The following GLT1D1 variants were observed in gnomAD, a reference collection of about 807,000 sequenced individuals.
GLT1D1 encodes the protein glycosyltransferase 1 domain containing 1.
GLT1D1 carries 21 observed loss-of-function variants against 28.7 expected under a neutral mutation model. The observed-to-expected ratio is 0.73, with a 90% CI of 0.52 to 1.05. The LOEUF is 1.05. Among genes scored for constraint, GLT1D1 ranks in the 50% least tolerant of loss-of-function variants. The pLI, the probability that GLT1D1 is intolerant of heterozygous loss-of-function variation, is 0.00. For synonymous variants in GLT1D1, 147 were observed against 124.8 expected (o/e 1.18, Z -1.19); for missense variants, 343 against 330.6 (o/e 1.04, Z -0.29).
At chr12:128,877,934 G>T (rs1593069308) in intron 2 of GLT1D1, among the ~76,000 whole-genome samples, 1 of 152,212 alleles carries the variant, frequency 6.6e-6, no homozygotes, top group South Asian at 2.1e-4. Flanking sequence ...CCGTTGGTGG[G>T]AGGTCTCAGT....
intron 2 of GLT1D1, among the ~76,000 whole-genome samples, chr12:128,881,858 C>T (rs982405729): frequency 3.3e-5 from 5 of 151,362 alleles, no homozygotes; most frequent in Non-Finnish European, 7.4e-5. Context: ...GTCTATATTT[C>T]CTCTGTCATT....
At chr12:128,880,871 A>T (rs1957015094) in intron 2 of GLT1D1, among the ~76,000 whole-genome samples, 1 of 152,154 alleles carries the variant, frequency 6.6e-6, no homozygotes, top group Non-Finnish European at 1.5e-5. Flanking sequence ...GTTTTTATTC[A>T]AAATTAAGTT....
intron 2 of GLT1D1, among the ~76,000 whole-genome samples, chr12:128,883,754 T>C (rs1407123412): frequency 6.6e-6 from 1 of 152,158 alleles, no homozygotes; most frequent in African/African-American, 2.4e-5. Context: ...GAAAATAGCT[T>C]GTGTGCTACT....
chr12:128,911,254 G>C (rs1337375488), intron 4 of GLT1D1, among the ~76,000 whole-genome samples: 1 of 152,196 alleles, frequency 6.6e-6, no homozygotes, highest in Non-Finnish European at 1.5e-5. Flanking sequence ...CTGCCTGGAT[G>C]CTGCCTCTAC....
chr12:128,952,034 C>T (rs1433254860), intron 6 of GLT1D1, among the ~76,000 whole-genome samples: 1 of 152,150 alleles, frequency 6.6e-6, no homozygotes, highest in African/African-American at 2.4e-5. Flanking sequence ...TGAGTTCATG[C>T]CTTCTGTCAT....
At chr12:128,945,003 G>A (rs761840902) in intron 4 of GLT1D1, 9 of 598,280 alleles carry the variant, frequency 1.5e-5, no homozygotes, top group Non-Finnish European at 2.4e-5. Context: ...GTGTCCATGT[G>A]TTCTCATTGT....
At chr12:128,954,930 G>A (rs1018949781) in intron 6 of GLT1D1, among the ~76,000 whole-genome samples, 1 of 152,194 alleles carries the variant, frequency 6.6e-6, no homozygotes, top group African/African-American at 2.4e-5. Context: ...TTCCAGCCCG[G>A]GCAACAGAGT....
intron 4 of GLT1D1, chr12:128,944,727 A>G (rs750958430): frequency 1.7e-6 from 1 of 605,740 alleles, no homozygotes; most frequent in Non-Finnish European, 3.1e-6. Flanking sequence ...CTGAAGGGCC[A>G]CGCCAAGATG....
chr12:128,865,725 G>A (rs566876884), intron 1 of GLT1D1, among the ~76,000 whole-genome samples: 260 of 152,206 alleles, frequency 1.7e-3, no homozygotes, highest in African/African-American at 5.8e-3. Flanking sequence ...GGGAGGCGGA[G>A]GCAGGAGAAT....
At chr12:128,921,873 T>C (rs992284171) in intron 4 of GLT1D1, among the ~76,000 whole-genome samples, 4 of 151,962 alleles carry the variant, frequency 2.6e-5, no homozygotes, top group Non-Finnish European at 4.4e-5. Flanking sequence ...TTCAATACCA[T>C]CTCTGGATGC....
At chr12:128,973,919 G>GGTGTGTGTAGGGGGTGT (rs1879495073) in intron 7 of GLT1D1, among the ~76,000 whole-genome samples, 2 of 100,922 alleles carry the variant, frequency 2.0e-5, no homozygotes, top group Admixed American at 2.0e-4. Flanking sequence ...GTGTGTAGGG[G>GGTGTGTGTAGGGGGTGT]GTGTGTGTGT....
At chr12:128,942,817 C>G (rs910225109) in intron 4 of GLT1D1, among the ~76,000 whole-genome samples, 1 of 147,360 alleles carries the variant, frequency 6.8e-6, no homozygotes, top group Admixed American at 7.0e-5. Context: ...GTGGCACGAT[C>G]TAGGCTCACT....
At chr12:128,961,377 C>T (rs569043573) in intron 7 of GLT1D1, among the ~76,000 whole-genome samples, 17 of 152,246 alleles carry the variant, frequency 1.1e-4, no homozygotes, top group South Asian at 1.0e-3. Context: ...TTTATCAAAG[C>T]GCCACTCACA....
chr12:128,855,059 T>G (rs1956180525), intron 1 of GLT1D1, among the ~76,000 whole-genome samples: 1 of 151,552 alleles, frequency 6.6e-6, no homozygotes, highest in Non-Finnish European at 1.5e-5. Context: ...GGGAGAGGAA[T>G]GAAGGAGGTG....
intron 2 of GLT1D1, among the ~76,000 whole-genome samples, chr12:128,880,557 C>T (rs755021072): frequency 6.6e-6 from 1 of 152,096 alleles, no homozygotes; most frequent in African/African-American, 2.4e-5. Flanking sequence ...CCCTGTGCAC[C>T]GTGAGGTTTT....
At chr12:128,914,245 G>A (rs1412794746) in intron 4 of GLT1D1, among the ~76,000 whole-genome samples, 1 of 152,038 alleles carries the variant, frequency 6.6e-6, no homozygotes, top group Non-Finnish European at 1.5e-5. Flanking sequence ...GGTTGAGAGT[G>A]GGAATTTTAC....
chr12:128,873,796 CTTTA>C (rs1956757622), intron 1 of GLT1D1, among the ~76,000 whole-genome samples: 1 of 152,096 alleles, frequency 6.6e-6, no homozygotes, highest in African/African-American at 2.4e-5. Flanking sequence ...TTGTGCCCAT[CTTTA>C]TTTTTCTTTT....
At chr12:128,894,291 C>T (rs1869390527) in intron 3 of GLT1D1, among the ~76,000 whole-genome samples, 1 of 152,054 alleles carries the variant, frequency 6.6e-6, no homozygotes, top group African/African-American at 2.4e-5. Flanking sequence ...TTAGAGGAGG[C>T]AGAAAGGAAA....
At chr12:128,946,635 C>CTTTT (rs61498838) in intron 5 of GLT1D1, among the ~76,000 whole-genome samples, 7 of 64,224 alleles carry the variant, frequency 1.1e-4, no homozygotes, top group African/African-American at 2.9e-4. Flanking sequence ...GCCCGGCCTC[C>CTTTT]TTTTTTTTTT....
Sources: gnomAD v4.1 joint callset for allele counts (sites outside exome capture counted in the v4.1 genomes callset) on GRCh38, gnomAD v4.1.1 for gene constraint, MANE v1.5 for transcripts, NCBI Gene and HGNC (gene_info 2026-07-23, HGNC 2026-07-21) for gene names.